The following HECTD4 variants were observed in gnomAD, a reference collection of about 807,000 sequenced individuals.
HECTD4 encodes the protein probable E3 ubiquitin-protein ligase HECTD4.
Under a neutral mutation model 471.5 loss-of-function variants are expected in HECTD4, and 114 were observed. The ratio of observed to expected loss-of-function variants is 0.24; its 90% CI spans 0.21 to 0.28. The LOEUF is 0.28. Among genes scored for constraint, HECTD4 ranks in the 10% least tolerant of loss-of-function variants. The pLI, the probability that HECTD4 is intolerant of heterozygous loss-of-function variation, is 1.00. For synonymous variants in HECTD4, 2,012 were observed against 2,256.0 expected (o/e 0.89, Z 3.07); for missense variants, 3,866 against 5,651.5 (o/e 0.68, Z 10.13).
chr12:112,287,628 A>G (rs547373541), intron 7 of HECTD4, among the ~76,000 whole-genome samples: 136 of 152,280 alleles, frequency 8.9e-4, no homozygotes, highest in Non-Finnish European at 1.4e-3. Flanking sequence ...TGAAAAGGTA[A>G]AAAAGAGTTA....
intron 28 of HECTD4, 76 bp downstream of exon 28, chr12:112,247,386 T>C (rs891138939): frequency 3.0e-5 from 21 of 711,778 alleles, no homozygotes; most frequent in South Asian, 2.3e-4. Context: ...AATATATCTA[T>C]TAAGAGACTA....
rs1006415174 is a variant in HECTD4, at chr12:112,160,912, C to A, written c.*1475G>T. The A allele has an allele frequency of 6.6e-6, 1 of 152,098 alleles. No homozygotes were observed. Among genetic ancestry groups the A allele is most frequent in the Non-Finnish European group, 1.5e-5 (1 of 68,022 alleles). 9.4% of individuals were successfully genotyped at this position (152,098 alleles called of 1,614,324 possible). On this transcript the variant is annotated 3_prime_UTR_variant, in exon 76 of 76. Transcript: ENST00000682272. ...CAACTGATGCAGCTGTCATGATTAA[C>A]CCTAGGTCGATTTCATCCTTAGGTC...
chr12:112,215,260 C>A (rs989535716), intron 48 of HECTD4, among the ~76,000 whole-genome samples: 1 of 152,172 alleles, frequency 6.6e-6, no homozygotes, highest in Non-Finnish European at 1.5e-5. Context: ...GCAAAAGTAA[C>A]CTCCAGGCAG....
intron 16 of HECTD4, 68 bp downstream of exon 16, chr12:112,265,107 C>A: frequency 1.4e-6 from 2 of 1,412,684 alleles, no homozygotes; most frequent in South Asian, 1.4e-5. Flanking sequence ...ACACACCTGT[C>A]AATATAATAA....
intron 65 of HECTD4, 125 bp downstream of exon 65, chr12:112,176,470 CA>C (rs2031452533): frequency 3.0e-6 from 2 of 671,058 alleles, no homozygotes; most frequent in Non-Finnish European, 5.4e-6. Flanking sequence ...ACCCAGAGCC[CA>C]GAGCAGAGGC....
intron 7 of HECTD4, 113 bp downstream of exon 7, chr12:112,305,951 C>G: frequency 1.1e-6 from 1 of 907,084 alleles, no homozygotes; most frequent in South Asian, 2.6e-5. Flanking sequence ...TTTAAGGAAA[C>G]ACTGAACACA....
intron 1 of HECTD4, chr12:112,321,708 G>A (rs554049840): frequency 1.3e-5 from 2 of 152,076 alleles, no homozygotes; most frequent in African/African-American, 2.4e-5. Flanking sequence ...CAATGCAAAC[G>A]CTGTAATTGC....
chr12:112,264,310 A>G, intron 16 of HECTD4, 98 bp from the exon 17 acceptor site: 1 of 1,180,478 alleles, frequency 8.5e-7, no homozygotes. Context: ...AAGAAAACAA[A>G]AAGAGAAATA....
Position 112,193,088 on chromosome 12 carries a change from T to C in HECTD4, c.9059A>G (p.Lys3020Arg). ...PGAAFVVVSC[K>R]ESQSGFRKDS... is the part of the protein sequence containing the mutation. ...TTTGCGGAATCCAGATTGACTTTCT[T>C]TACAAGACACAACAACAAAAGCTGC... Residue 3020 changes from lysine (K) to arginine (R), a missense_variant, in exon 58 of 76, where the codon AAA becomes AGA. By Grantham distance (26) the Lys-to-Arg change is conservative (BLOSUM62 2). Coordinates refer to ENST00000682272, the MANE Select transcript of HECTD4 (RefSeq NM_001388303.1). This position sits in a 1 kb window ranked among gnomAD's most constrained non-coding sequence, Gnocchi z 5.2. 1 of 1,614,004 alleles carries C rather than the reference T, an allele frequency of 6.2e-7. No individual in the cohort carries two copies. The highest frequency in any genetic ancestry group is 8.5e-7 in the Non-Finnish European group (1 of 1,179,892).
At chr12:112,227,625 T>C (rs990238871) in intron 43 of HECTD4, among the ~76,000 whole-genome samples, 3 of 152,154 alleles carry the variant, frequency 2.0e-5, no homozygotes, top group African/African-American at 7.2e-5. Flanking sequence ...CAATGTGGCC[T>C]GAACCATTTT....
rs1043647016 is a variant in HECTD4, at chr12:112,179,672, G to T, written c.10988-275C>A. On this transcript the variant is annotated intron_variant, in intron 62 of 75. Transcript: ENST00000682272. This position sits in a 1 kb window ranked among gnomAD's most constrained non-coding sequence, Gnocchi z 4.3. ...TGTCCTCTGCACTTGGCCCCTACCT[G>T]GTTGCTCGGGGACGACAGGCCCCTC... Among the ~76,000 whole-genome samples the T allele has an allele frequency of 1.3e-5, 2 of 152,184 alleles. No homozygotes were observed. The highest frequency in any genetic ancestry group is 2.9e-5 in the Non-Finnish European group (2 of 68,034).
chr12:112,343,700 G>A (rs2036091982), intron 1 of HECTD4, among the ~76,000 whole-genome samples: 1 of 151,984 alleles, frequency 6.6e-6, no homozygotes, highest in Non-Finnish European at 1.5e-5. Context: ...GAGGCCAGGA[G>A]TTCAAGGCTC....
chr12:112,381,185 G>GC lies in HECTD4; in HGVS notation c.177+766dup, dbSNP rs2036880015. 6.6e-6 allele frequency among the ~76,000 whole-genome samples: 1 copy of GC among 152,118 alleles called. No individual in the cohort carries two copies. Among genetic ancestry groups the GC allele is most frequent in the South Asian group, 2.1e-4 (1 of 4,816 alleles). ...AACCAGGCATATTTGGTTCCCTTCT[G>GC]CCCCCAAGGCCAAGCAGCTCAACTG... On this transcript the variant is annotated intron_variant, in intron 1 of 75. Transcript: ENST00000682272. This position sits in a 1 kb window ranked among gnomAD's most constrained non-coding sequence, Gnocchi z 4.1.
chr12:112,211,943 T>C lies in HECTD4; in HGVS notation c.7629+544A>G, dbSNP rs55766382. ...CTGCTGGGTATGTGAGCATGGAGTT[T>C]AGGGAAAGGTCTGGGATAGAGATAT... On this transcript the variant is annotated intron_variant, in intron 49 of 75. Transcript: ENST00000682272. Among the ~76,000 whole-genome samples, 433 of 152,262 alleles carry C rather than the reference T, an allele frequency of 2.8e-3. 2 individuals carry two copies. The highest frequency in any genetic ancestry group is 5.2e-3 in the Non-Finnish European group (352 of 68,010).
chr12:112,296,402 G>A (rs2035015289), intron 7 of HECTD4, among the ~76,000 whole-genome samples: 1 of 151,648 alleles, frequency 6.6e-6, no homozygotes, highest in African/African-American at 2.4e-5. Flanking sequence ...AGTGGATGTG[G>A]GTGCAGAGGA....
chr12:112,204,419 A>G, intron 53 of HECTD4, 67 bp downstream of exon 53: 1 of 1,461,376 alleles, frequency 6.8e-7, no homozygotes, highest in Non-Finnish European at 9.4e-7. Flanking sequence ...GCTTGTGCAC[A>G]TTAAGGAAAA....
At chr12:112,273,625 T>C (rs762887179) in intron 11 of HECTD4, 30 bp downstream of exon 11, 4 of 1,608,566 alleles carry the variant, frequency 2.5e-6, no homozygotes, top group East Asian at 2.2e-5. Flanking sequence ...GAGGAAAATC[T>C]TTTCCTGCAA....
chr12:112,164,922 C>A (rs376711869), intron 72 of HECTD4, among the ~76,000 whole-genome samples: 1 of 147,684 alleles, frequency 6.8e-6, no homozygotes, highest in African/African-American at 2.5e-5. Flanking sequence ...GCACCCAGAC[C>A]GCTTTTTCTT....
At chr12:112,287,616 C>T (rs1448128957) in intron 7 of HECTD4, among the ~76,000 whole-genome samples, 1 of 152,000 alleles carries the variant, frequency 6.6e-6, no homozygotes, top group South Asian at 2.1e-4. Flanking sequence ...TCAAAAGAGG[C>T]TTGAAAAGGT....
Sources: gnomAD v4.1 joint callset for allele counts (sites outside exome capture counted in the v4.1 genomes callset) on GRCh38, gnomAD v4.1.1 for gene constraint, Gnocchi (gnomAD v3.1) non-coding constraint, MANE v1.5 for transcripts, NCBI Gene and HGNC (gene_info 2026-07-23, HGNC 2026-07-21) for gene names.